CA13: variants seen among roughly 807,000 people sequenced by gnomAD.
CA13 encodes CA-XIII.
A neutral mutation model predicts 31.5 loss-of-function variants in CA13; 21 were observed. The observed-to-expected ratio is 0.67, with a 90% CI of 0.47 to 0.96. CA13 has a LOEUF of 0.96. Ranked by LOEUF, CA13 falls within the 40% of genes least tolerant of loss-of-function variation. The probability of loss-of-function intolerance (pLI) is 0.00; values close to 1 mark genes in which losing one functional copy is unlikely to be tolerated. For missense variants in CA13, 315 were observed against 318.9 expected (o/e 0.99, Z 0.09); for synonymous variants, 117 against 111.4 (o/e 1.05, Z -0.32).
intron 3 of CA13, among the ~76,000 whole-genome samples, chr8:85,263,448 G>A (rs531827849): frequency 6.6e-6 from 1 of 152,294 alleles, no homozygotes; most frequent in Admixed American, 6.5e-5. Flanking sequence ...AAACTAGAAG[G>A]TTATGGAAGT....
At chr8:85,267,522 C>T (rs534670428) in intron 4 of CA13, among the ~76,000 whole-genome samples, 61 of 152,054 alleles carry the variant, frequency 4.0e-4, no homozygotes, top group African/African-American at 1.3e-3. Flanking sequence ...CACCATTGTC[C>T]GTTTGAATTG....
chr8:85,260,354 G>T (rs532342175), intron 3 of CA13, among the ~76,000 whole-genome samples: 25 of 152,142 alleles, frequency 1.6e-4, no homozygotes, highest in Non-Finnish European at 1.2e-4. Context: ...TACTATTCAC[G>T]TGAAAATAAT....
chr8:85,274,646 C>G (rs1179920159), intron 6 of CA13, among the ~76,000 whole-genome samples: 1 of 152,132 alleles, frequency 6.6e-6, no homozygotes, highest in African/African-American at 2.4e-5. Context: ...GAAAAATTGC[C>G]GCAAGCATTT....
chr8:85,249,890 G>A, intron 1 of CA13: 1 of 434,774 alleles, frequency 2.3e-6, no homozygotes, highest in South Asian at 1.7e-5. Context: ...AAGAAGTGAA[G>A]AGGATTGAAA....
Position 85,281,594 on chromosome 8 carries a change from C to A in CA13, c.*245C>A. ...GTGGTACAGTCTTGGCTAATTGCAG[C>A]CTCCAACTCCTGGACTCAAGTGATC... On this transcript the variant is annotated 3_prime_UTR_variant, in exon 7 of 7. Transcript: ENST00000321764. 2.4e-6 allele frequency: 2 copies of A among 841,186 alleles called. No homozygotes were observed. Among genetic ancestry groups the A allele is most frequent in the Non-Finnish European group, 3.1e-6 (2 of 650,362 alleles). 52.1% of individuals were successfully genotyped at this position (841,186 alleles called of 1,614,324 possible).
chr8:85,271,501 A>G (rs1193862430), intron 6 of CA13, among the ~76,000 whole-genome samples: 2 of 152,164 alleles, frequency 1.3e-5, no homozygotes, highest in African/African-American at 4.8e-5. Context: ...AGATAAATGT[A>G]CTATTTTCTG....
rs1238707900 is a variant in CA13 at position 85,282,430 on chromosome 8, CAT to C, written c.*1084_*1085del. 1.3e-5 allele frequency: 2 copies of C among 152,626 alleles called. No individual in the cohort carries two copies. Among genetic ancestry groups the C allele is most frequent in the African/African-American group, 4.8e-5 (2 of 41,440 alleles). The allele number at this position is 152,626 out of a possible 1,614,324, so 9.5% of individuals were successfully genotyped here. On this transcript the variant is annotated 3_prime_UTR_variant, in exon 7 of 7. Transcript: ENST00000321764. ...TGACATTAACTTGGTTTGAAACTAA[CAT>C]ATGACATAGTACCAGTGCAGTCAGA...
chr8:85,259,331 G>A (rs983712704), intron 2 of CA13, 90 bp from the exon 3 acceptor site: 5 of 985,550 alleles, frequency 5.1e-6, no homozygotes, highest in African/African-American at 3.2e-5. Flanking sequence ...GGACATGGAT[G>A]TATGGAGTAA....
intron 3 of CA13, among the ~76,000 whole-genome samples, chr8:85,263,675 G>T (rs1269678604): frequency 2.0e-5 from 3 of 152,170 alleles, no homozygotes; most frequent in African/African-American, 7.2e-5. Flanking sequence ...AAATGTGCAA[G>T]TCTGGGAAGG....
intron 3 of CA13, among the ~76,000 whole-genome samples, chr8:85,262,136 G>GCC (rs1203595373): frequency 1.3e-5 from 2 of 152,280 alleles, no homozygotes; most frequent in Admixed American, 6.5e-5. Flanking sequence ...TGTAATCCCA[G>GCC]CACTTTGGGA....
chr8:85,265,557 C>T (rs900565995), intron 3 of CA13, among the ~76,000 whole-genome samples: 2 of 152,044 alleles, frequency 1.3e-5, no homozygotes, highest in African/African-American at 4.8e-5. Flanking sequence ...TCCCTTCCCC[C>T]TTGTTTTATC....
At chr8:85,281,148 G>C (rs1436353135) in intron 6 of CA13, 82 bp from the exon 7 acceptor site, 1 of 1,508,910 alleles carries the variant, frequency 6.6e-7, no homozygotes. Context: ...CCTGGTTATA[G>C]ATATATCTTC....
intron 3 of CA13, among the ~76,000 whole-genome samples, chr8:85,265,381 G>A (rs1412195632): frequency 3.3e-5 from 5 of 152,116 alleles, no homozygotes; most frequent in South Asian, 2.1e-4. Flanking sequence ...CTCCTTTATC[G>A]TTATTCTGAA....
rs756267813 is a variant in CA13, at chr8:85,245,871, C to A, written c.37+6C>A. ...GGGATACCGCGAGCACAACGGTGAG[C>A]GCCTTTTCCTGATCCAAGGGGGGGT... On this transcript the variant is annotated splice_donor_region_variant and intron_variant, in intron 1 of 6. Transcript: ENST00000321764. The A allele has an allele frequency of 6.2e-7, 1 of 1,614,142 alleles. No individual in the cohort carries two copies. The highest frequency in any genetic ancestry group is 8.5e-7 in the Non-Finnish European group (1 of 1,180,028).
At chr8:85,260,299 C>A (rs1807358755) in intron 3 of CA13, among the ~76,000 whole-genome samples, 2 of 152,126 alleles carry the variant, frequency 1.3e-5, no homozygotes, top group Non-Finnish European at 2.9e-5. Context: ...ATTACTAACA[C>A]CCAACTTTAC....
intron 6 of CA13, among the ~76,000 whole-genome samples, chr8:85,272,979 A>C (rs1444447609): frequency 6.6e-6 from 1 of 152,026 alleles, no homozygotes; most frequent in Non-Finnish European, 1.5e-5. Flanking sequence ...CACCACACCC[A>C]GCTAATTTTT....
At chr8:85,267,158 T>G in intron 4 of CA13, 1 of 695,744 alleles carries the variant, frequency 1.4e-6, no homozygotes, top group Non-Finnish European at 1.8e-6. Context: ...ACAATTATTG[T>G]CATCATACCT....
At chr8:85,277,819 G>A (rs928489007) in intron 6 of CA13, among the ~76,000 whole-genome samples, 22 of 152,260 alleles carry the variant, frequency 1.4e-4, no homozygotes, top group African/African-American at 5.1e-4. Context: ...TGACTGCTGC[G>A]TAGTACCTGG....
At chr8:85,255,885 A>C (rs1321681375) in intron 2 of CA13, among the ~76,000 whole-genome samples, 1 of 151,628 alleles carries the variant, frequency 6.6e-6, no homozygotes, top group Non-Finnish European at 1.5e-5. Flanking sequence ...CTAACACAGA[A>C]CTCTCCACAT....
Sources: allele counts gnomAD v4.1 joint callset (sites outside exome capture counted in the v4.1 genomes callset), GRCh38; gene constraint gnomAD v4.1.1; transcripts MANE v1.5; gene names NCBI Gene and HGNC (gene_info 2026-07-23, HGNC 2026-07-21).